Variants in TJP1 observed in about 807,000 individuals in gnomAD.
TJP1 encodes the protein tight junction protein ZO-1.
A neutral mutation model predicts 194.2 loss-of-function variants in TJP1; 43 were observed. The observed-to-expected ratio is 0.22, with a 90% CI of 0.17 to 0.29. The LOEUF is 0.29. Ranked by LOEUF, TJP1 falls within the 10% of genes least tolerant of loss-of-function variation. TJP1 has a pLI of 1.00. For synonymous variants in TJP1, 801 were observed against 779.0 expected (o/e 1.03, Z -0.47); for missense variants, 1,971 against 2,185.7 (o/e 0.90, Z 1.96).
intron 2 of TJP1, among the ~76,000 whole-genome samples, chr15:29,838,992 C>CTTTTTTTTTTTT (rs760557407): frequency 4.8e-5 from 4 of 83,444 alleles, no homozygotes; most frequent in Non-Finnish European, 6.2e-5. Flanking sequence ...AAAAATTCAC[C>CTTTTTTTTTTTT]TTTTTTTTTT....
chr15:29,857,393 A>T (rs1255952233), intron 2 of TJP1, among the ~76,000 whole-genome samples: 1 of 152,114 alleles, frequency 6.6e-6, no homozygotes, highest in Non-Finnish European at 1.5e-5. Context: ...CTCAGGGCAA[A>T]CAGGAAATGG....
intron 2 of TJP1, among the ~76,000 whole-genome samples, chr15:29,896,361 C>T (rs2053477055): frequency 6.6e-6 from 1 of 152,176 alleles, no homozygotes; most frequent in Non-Finnish European, 1.5e-5. Flanking sequence ...TGACATGTGC[C>T]TTTCACCTTC....
At chr15:29,920,234 T>G (rs181393230) in intron 2 of TJP1, among the ~76,000 whole-genome samples, 197 of 152,350 alleles carry the variant, frequency 1.3e-3, no homozygotes, top group Admixed American at 3.1e-3. Context: ...TTTTTCTTGT[T>G]ACTTTTCATG....
intron 10 of TJP1, among the ~76,000 whole-genome samples, chr15:29,738,865 T>TAAAAAAAA (rs71103406): frequency 4.3e-4 from 21 of 48,866 alleles, no homozygotes; most frequent in African/African-American, 2.0e-3. Context: ...CTGTCACTAC[T>TAAAAAAAA]AAAAAAAAAA....
upstream of TJP1, among the ~76,000 whole-genome samples, chr15:29,824,342 C>G (rs145714773): frequency 2.8e-4 from 43 of 151,904 alleles, no homozygotes; most frequent in African/African-American, 9.4e-4. Context: ...ATTCAGGAGG[C>G]TGAGGCAGGA....
intron 4 of TJP1, among the ~76,000 whole-genome samples, chr15:29,771,145 T>C (rs2046644815): frequency 6.6e-6 from 1 of 152,210 alleles, no homozygotes; most frequent in African/African-American, 2.4e-5. Context: ...CTGCCTACAG[T>C]ATCCAGAACA....
intron 1 of TJP1, among the ~76,000 whole-genome samples, chr15:29,814,687 T>A (rs542482673): frequency 6.6e-6 from 1 of 152,328 alleles, no homozygotes; most frequent in African/African-American, 2.4e-5. Flanking sequence ...AAACCAGGTA[T>A]ACGCTAATCT....
At chr15:29,826,463 C>T (rs1176593511), upstream of TJP1, among the ~76,000 whole-genome samples, 3 of 152,150 alleles carry the variant, frequency 2.0e-5, no homozygotes, top group Non-Finnish European at 2.9e-5. Flanking sequence ...AGACTCCCTC[C>T]CCAGCCCAGG....
intron 2 of TJP1, among the ~76,000 whole-genome samples, chr15:29,914,194 T>A (rs1460877740): frequency 1.3e-5 from 2 of 152,352 alleles, no homozygotes; most frequent in Admixed American, 1.3e-4. Context: ...TTCGACTCAC[T>A]AGCATGGATT....
In TJP1 at chr15:29,732,319, T is replaced by G; in HGVS notation, c.2017+114A>C. On this transcript the variant is annotated intron_variant, in intron 15 of 27. Coordinates refer to ENST00000614355, the MANE Select transcript of TJP1 (RefSeq NM_001330239.4). ...ACCAAATTAAAAGAATGGGATAAAC[T>G]GCTAATTTTTCACTGACAAAAAGTC... 4.5e-6 allele frequency: 4 copies of G among 888,922 alleles called. No homozygotes were observed. In the South Asian group the frequency reaches 6.8e-5, roughly 15 times the overall value. 55.1% of individuals were successfully genotyped at this position (888,922 alleles called of 1,614,324 possible).
intron 1 of TJP1, among the ~76,000 whole-genome samples, chr15:29,818,353 T>C (rs1044113024): frequency 1.3e-5 from 2 of 152,238 alleles, no homozygotes; most frequent in Non-Finnish European, 2.9e-5. Flanking sequence ...TTCATACCAC[T>C]TTCTTACACA....
At chr15:29,923,765 A>C (rs939969861) in intron 2 of TJP1, among the ~76,000 whole-genome samples, 2 of 152,228 alleles carry the variant, frequency 1.3e-5, no homozygotes, top group Non-Finnish European at 2.9e-5. Flanking sequence ...AATATAATAC[A>C]AGCCACTGAA....
At chr15:29,764,557 G>C (rs1043428920) in intron 5 of TJP1, among the ~76,000 whole-genome samples, 2 of 152,158 alleles carry the variant, frequency 1.3e-5, no homozygotes, top group African/African-American at 4.8e-5. Flanking sequence ...ACAGTGGCTT[G>C]GAAAAGGGTG....
At chr15:29,884,933 C>G (rs932412867) in intron 2 of TJP1, among the ~76,000 whole-genome samples, 1 of 152,144 alleles carries the variant, frequency 6.6e-6, no homozygotes, top group Non-Finnish European at 1.5e-5. Flanking sequence ...TATGGATGGA[C>G]AAGGGATAAA....
At chr15:29,880,021 CAA>C (rs1021747479) in intron 2 of TJP1, among the ~76,000 whole-genome samples, 38 of 152,114 alleles carry the variant, frequency 2.5e-4, no homozygotes, top group Non-Finnish European at 1.2e-4. Flanking sequence ...AGTATCACCT[CAA>C]AAAAATTATC....
chr15:29,767,686 A>T lies in TJP1; in HGVS notation c.313-1144T>A, dbSNP rs183042635. ...AATTCGCTAATGTAGGTATTCTACA[A>T]CCATTCTTCAAGATCCCAGCCACTC... On this transcript the variant is annotated intron_variant, in intron 4 of 27. Coordinates refer to ENST00000614355, the MANE Select transcript of TJP1 (RefSeq NM_001330239.4). 6.6e-5 allele frequency among the ~76,000 whole-genome samples: 10 copies of T among 152,190 alleles called. No homozygotes were observed. In the East Asian group the frequency reaches 1.9e-3, roughly 29 times the overall value.
chr15:29,850,781 A>G (rs1331582096), intron 2 of TJP1, among the ~76,000 whole-genome samples: 2 of 152,048 alleles, frequency 1.3e-5, no homozygotes, highest in African/African-American at 4.8e-5. Flanking sequence ...CAGGAGGTAG[A>G]GACCAGCCCG....
chr15:29,871,895 CAA>C (rs1220166316), intron 2 of TJP1, among the ~76,000 whole-genome samples: 2 of 152,010 alleles, frequency 1.3e-5, no homozygotes, highest in Admixed American at 6.5e-5. Flanking sequence ...GAAGTATAAA[CAA>C]AAAAAAGTTA....
At chr15:29,860,872 T>C (rs1298194650) in intron 2 of TJP1, among the ~76,000 whole-genome samples, 1 of 152,206 alleles carries the variant, frequency 6.6e-6, no homozygotes, top group Non-Finnish European at 1.5e-5. Flanking sequence ...TTAGCGTTTC[T>C]TAGCAAAATT....
Sources: gnomAD v4.1 joint callset for allele counts (sites outside exome capture counted in the v4.1 genomes callset) on GRCh38, gnomAD v4.1.1 for gene constraint, MANE v1.5 for transcripts, NCBI Gene and HGNC (gene_info 2026-07-23, HGNC 2026-07-21) for gene names.